Variants in RASA1 observed in about 807,000 individuals in gnomAD.
RASA1 encodes the protein RAS p21 protein activator 1.
In RASA1, 25 loss-of-function variants were observed where a neutral mutation model predicts 132.2. That is an observed-to-expected ratio of 0.19 (90% CI 0.14 to 0.26). RASA1 has a LOEUF of 0.26. Among genes scored for constraint, RASA1 ranks in the 10% least tolerant of loss-of-function variants. RASA1 has a pLI of 1.00. For missense variants in RASA1, 964 were observed against 1,299.2 expected, an observed-to-expected ratio of 0.74 and a Z score of 3.97; for synonymous variants, 477 against 449.9, an observed-to-expected ratio of 1.06 and a Z score of -0.76.
intron 8 of RASA1, 23 bp from the exon 9 acceptor site, chr5:87,353,134 A>C (rs775686466): frequency 5.7e-6 from 9 of 1,571,028 alleles, no homozygotes; most frequent in South Asian, 1.1e-5. Flanking sequence ...ACAGATTAAT[A>C]CTAGAAATTT....
At chr5:87,323,455 G>C (rs1000158306) in intron 1 of RASA1, among the ~76,000 whole-genome samples, 2 of 152,078 alleles carry the variant, frequency 1.3e-5, no homozygotes, top group African/African-American at 2.4e-5. Flanking sequence ...GTGCTCATAG[G>C]GTTATTGCTG....
chr5:87,379,616 A>G (rs1297592748), intron 18 of RASA1, 119 bp from the exon 19 acceptor site: 3 of 1,366,826 alleles, frequency 2.2e-6, no homozygotes, highest in African/African-American at 1.5e-5. Flanking sequence ...AAAAAGATCA[A>G]TACACACAGA....
intron 20 of RASA1, among the ~76,000 whole-genome samples, chr5:87,381,420 C>T (rs750267804): frequency 6.6e-6 from 1 of 152,168 alleles, no homozygotes; most frequent in Non-Finnish European, 1.5e-5. Context: ...TCATGGAATA[C>T]AGCAGTTTTC....
rs755166023 is a variant in RASA1 at position 87,377,012 on chromosome 5, A to G, written c.2316A>G (p.Thr772=). Residue 772 remains threonine, a synonymous_variant, in exon 17 of 25, where the codon ACA becomes ACG. Transcript: ENST00000274376. The part of the protein sequence containing the change: ...HEKLESLLLC[T]LNDREISMED... ...AGCTTGAATCGTTGTTGTTATGCAC[A>G]CTAAATGACAGAGAAATAAGCATGG... 5.6e-6 allele frequency: 9 copies of G among 1,613,764 alleles called. No homozygotes were observed. Among genetic ancestry groups the G allele is most frequent in the African/African-American group, 1.3e-5 (1 of 74,936 alleles).
intron 1 of RASA1, among the ~76,000 whole-genome samples, chr5:87,271,641 C>T (rs562192726): frequency 1.3e-5 from 2 of 151,384 alleles, no homozygotes; most frequent in South Asian, 4.2e-4. Context: ...CGCAACCAGG[C>T]CTGGCTAATT....
intron 1 of RASA1, among the ~76,000 whole-genome samples, chr5:87,326,393 T>C (rs1423880260): frequency 6.6e-6 from 1 of 152,184 alleles, no homozygotes; most frequent in Admixed American, 6.5e-5. Context: ...TGATATTGTA[T>C]GTAAATTGAT....
intron 13 of RASA1, among the ~76,000 whole-genome samples, chr5:87,372,601 T>G (rs1017537643): frequency 6.6e-6 from 1 of 152,180 alleles, no homozygotes; most frequent in African/African-American, 2.4e-5. Flanking sequence ...AACCTACTGC[T>G]TAACTCTTAG....
intron 17 of RASA1, among the ~76,000 whole-genome samples, 176 bp from the exon 18 acceptor site, chr5:87,378,220 G>A (rs1761454002): frequency 6.6e-6 from 1 of 152,184 alleles, no homozygotes; most frequent in Middle Eastern, 3.2e-3. Flanking sequence ...AAGTCTTACA[G>A]AGTTAAGTCT....
chr5:87,276,901 A>G (rs968408058), intron 1 of RASA1, among the ~76,000 whole-genome samples: 2 of 152,198 alleles, frequency 1.3e-5, no homozygotes, highest in African/African-American at 4.8e-5. Flanking sequence ...ACTCCACCCT[A>G]CACCCTAGCT....
intron 6 of RASA1, among the ~76,000 whole-genome samples, chr5:87,345,291 C>T (rs1455496993): frequency 6.6e-6 from 1 of 152,188 alleles, no homozygotes; most frequent in Admixed American, 6.5e-5. Flanking sequence ...ACTTTGGCTT[C>T]AGACTGTGTG....
At chr5:87,361,939 G>A (rs143468671) in intron 9 of RASA1, among the ~76,000 whole-genome samples, 3 of 152,266 alleles carry the variant, frequency 2.0e-5, no homozygotes, top group Non-Finnish European at 4.4e-5. Flanking sequence ...CATTGGTAGA[G>A]TTGAAGCATG....
chr5:87,377,145 G>T, intron 17 of RASA1, 105 bp downstream of exon 17: 1 of 1,400,220 alleles, frequency 7.1e-7, no homozygotes, highest in Non-Finnish European at 1.0e-6. Context: ...AAATTATATT[G>T]CAAAATAAGT....
chr5:87,355,267 G>A (rs1240206930), intron 9 of RASA1, among the ~76,000 whole-genome samples: 2 of 152,116 alleles, frequency 1.3e-5, no homozygotes, highest in Non-Finnish European at 2.9e-5. Context: ...AAGCTTCAAA[G>A]GTCAGGCTGA....
chr5:87,291,415 C>T lies in RASA1; in HGVS notation c.539+22425C>T, dbSNP rs193193843. ...ATGGTGGTCAGCACACCTGTGGTTC[C>T]AGCTACTCAGGAGACCGAGTGGGGA... On this transcript the variant is annotated intron_variant, in intron 1 of 24. Coordinates refer to ENST00000274376, the MANE Select transcript of RASA1 (RefSeq NM_002890.3). Among the ~76,000 whole-genome samples the T allele has an allele frequency of 3.3e-5, 5 of 152,240 alleles. No individual in the cohort carries two copies. In the East Asian group the frequency reaches 9.6e-4, roughly 29 times the overall value.
chr5:87,303,165 G>A (rs778371046), intron 1 of RASA1, among the ~76,000 whole-genome samples: 1 of 152,070 alleles, frequency 6.6e-6, no homozygotes, highest in African/African-American at 2.4e-5. Flanking sequence ...ATAATAGCAC[G>A]ACTAATTGTT....
chr5:87,388,459 A>G (rs142156247), intron 23 of RASA1, among the ~76,000 whole-genome samples: 104 of 152,322 alleles, frequency 6.8e-4, no homozygotes, highest in African/African-American at 2.3e-3. Flanking sequence ...TTGAGCACCA[A>G]CAGGAAATGC....
chr5:87,335,540 C>T (rs2112378990), intron 4 of RASA1, among the ~76,000 whole-genome samples: 1 of 150,758 alleles, frequency 6.6e-6, no homozygotes, highest in Non-Finnish European at 1.5e-5. Flanking sequence ...ATTCTCCTGC[C>T]TCAGCCTCCT....
intron 1 of RASA1, chr5:87,330,971 G>A: frequency 1.4e-6 from 2 of 1,441,276 alleles, no homozygotes; most frequent in Non-Finnish European, 1.8e-6. Flanking sequence ...TGGTTCCTCA[G>A]TATAAGATCG....
intron 1 of RASA1, among the ~76,000 whole-genome samples, chr5:87,269,701 C>A (rs1472854726): frequency 6.6e-6 from 1 of 152,154 alleles, no homozygotes; most frequent in Non-Finnish European, 1.5e-5. Context: ...ATCAATAGAG[C>A]TTCCCTTAAA....
Sources: allele counts gnomAD v4.1 joint callset (sites outside exome capture counted in the v4.1 genomes callset), GRCh38; gene constraint gnomAD v4.1.1; transcripts MANE v1.5; gene names NCBI Gene and HGNC (gene_info 2026-07-23, HGNC 2026-07-21).